Variants in SMYD3 observed in about 807,000 individuals in gnomAD.
SMYD3 encodes histone-lysine N-methyltransferase SMYD3.
SMYD3 carries 36 observed loss-of-function variants against 57.7 expected under a neutral mutation model. The observed-to-expected ratio is 0.62, with a 90% confidence interval of 0.48 to 0.82. SMYD3 has a LOEUF of 0.82. SMYD3 is among the 40% of genes least tolerant of loss of function. SMYD3 has a pLI of 0.00. For missense variants in SMYD3, 515 were observed against 538.8 expected (o/e 0.96, Z 0.44); for synonymous variants, 211 against 195.0 (o/e 1.08, Z -0.68).
At chr1:245,869,779 T>A (rs1444885076) in intron 8 of SMYD3, among the ~76,000 whole-genome samples, 1 of 152,194 alleles carries the variant, frequency 6.6e-6, no homozygotes, top group East Asian at 1.9e-4. Context: ...AAAATCGCCA[T>A]CCTGTGGCTT....
At chr1:245,881,407 G>A (rs2052770890) in intron 8 of SMYD3, among the ~76,000 whole-genome samples, 1 of 152,194 alleles carries the variant, frequency 6.6e-6, no homozygotes, top group South Asian at 2.1e-4. Context: ...GGAAGAGAGG[G>A]CAAGAATATC....
intron 5 of SMYD3, among the ~76,000 whole-genome samples, chr1:246,311,009 G>A (rs997642303): frequency 2.0e-5 from 3 of 152,062 alleles, no homozygotes; most frequent in Non-Finnish European, 4.4e-5. Context: ...TAATACTGAA[G>A]ACTGTTAGTA....
intron 5 of SMYD3, among the ~76,000 whole-genome samples, chr1:245,996,874 A>G (rs1175008237): frequency 1.3e-5 from 2 of 152,208 alleles, no homozygotes; most frequent in Admixed American, 6.5e-5. Context: ...CACTTCCTCC[A>G]TCTCCTCCTC....
chr1:245,928,132 A>G, intron 6 of SMYD3, 99 bp from the exon 7 acceptor site: 1 of 862,358 alleles, frequency 1.2e-6, no homozygotes, highest in Non-Finnish European at 1.8e-6. Flanking sequence ...TTTGGGGGGC[A>G]GCAGCAGGTA....
At chr1:245,985,207 C>T (rs890873626) in intron 5 of SMYD3, among the ~76,000 whole-genome samples, 1 of 152,126 alleles carries the variant, frequency 6.6e-6, no homozygotes, top group Non-Finnish European at 1.5e-5. Context: ...TGGGACCTGT[C>T]CTTGGCTCTC....
intron 10 of SMYD3, among the ~76,000 whole-genome samples, chr1:245,791,903 C>A (rs2148188157): frequency 6.6e-6 from 1 of 151,570 alleles, no homozygotes; most frequent in Middle Eastern, 3.4e-3. Context: ...ACTGTCATGC[C>A]AATGACAGAC....
rs1251470888 is a variant in SMYD3 at position 245,858,600 on chromosome 1, G to A, written c.972C>T (p.Asn324=). Residue 324 remains asparagine, a synonymous_variant, in exon 10 of 12, where the codon AAC becomes AAT. Transcript: ENST00000490107. Reference sequence around the variant, plus strand: ...AGTCGAGCACCTTCAGCTGGTAGATGTTGATATCGGGAAGCCGTTCAGAAT... The same window carrying A: ...AGTCGAGCACCTTCAGCTGGTAGATATTGATATCGGGAAGCCGTTCAGAAT... The part of the protein sequence containing the change: ...SSNSERLPDI[N]IYQLKVLDCA... The A allele has an allele frequency of 1.2e-6, 2 of 1,614,126 alleles. No homozygotes were observed. Among genetic ancestry groups the A allele is most frequent in the Non-Finnish European group, 1.7e-6 (2 of 1,180,052 alleles).
At chr1:245,890,459 T>C (rs555498417) in intron 8 of SMYD3, among the ~76,000 whole-genome samples, 74 of 152,188 alleles carry the variant, frequency 4.9e-4, no homozygotes, top group Middle Eastern at 3.4e-3. Flanking sequence ...GACATACAAA[T>C]GGTGAACAGG....
At chr1:246,130,344 C>T (rs2061569584) in intron 5 of SMYD3, among the ~76,000 whole-genome samples, 1 of 152,064 alleles carries the variant, frequency 6.6e-6, no homozygotes, top group African/African-American at 2.4e-5. Context: ...ATTTATAAGC[C>T]CTGAATCCAT....
At chr1:245,977,073 A>G (rs992322376) in intron 5 of SMYD3, among the ~76,000 whole-genome samples, 3 of 150,882 alleles carry the variant, frequency 2.0e-5, no homozygotes, top group South Asian at 2.1e-4. Flanking sequence ...CATCGTCTCT[A>G]GCCTATGTTA....
chr1:246,411,053 T>G (rs199954239), intron 1 of SMYD3, among the ~76,000 whole-genome samples: 2 of 152,010 alleles, frequency 1.3e-5, no homozygotes, highest in African/African-American at 4.8e-5. Flanking sequence ...TTGATTCTTC[T>G]CTCTTTTCTT....
intron 5 of SMYD3, among the ~76,000 whole-genome samples, chr1:246,104,809 A>G (rs1463979261): frequency 2.0e-5 from 3 of 152,088 alleles, no homozygotes; most frequent in Non-Finnish European, 4.4e-5. Flanking sequence ...AACCACCTCT[A>G]TGTCCTTCCC....
chr1:245,985,849 T>C (rs1280355189), intron 5 of SMYD3, among the ~76,000 whole-genome samples: 3 of 152,216 alleles, frequency 2.0e-5, no homozygotes, highest in African/African-American at 7.2e-5. Flanking sequence ...CCAAATGTTC[T>C]TGACTTTGGA....
chr1:246,118,684 C>T (rs2061377084), intron 5 of SMYD3, among the ~76,000 whole-genome samples: 3 of 152,188 alleles, frequency 2.0e-5, no homozygotes, highest in Admixed American at 1.3e-4. Flanking sequence ...TGAAAAATGC[C>T]AGCTAGTCTG....
chr1:246,031,036 G>T (rs979959237), intron 5 of SMYD3, among the ~76,000 whole-genome samples: 1 of 152,130 alleles, frequency 6.6e-6, no homozygotes, highest in African/African-American at 2.4e-5. Context: ...AATCACTGAT[G>T]TATTACAAGC....
At chr1:246,331,277 A>T (rs1331569229) in intron 3 of SMYD3, among the ~76,000 whole-genome samples, 1 of 152,250 alleles carries the variant, frequency 6.6e-6, no homozygotes, top group Admixed American at 6.5e-5. Context: ...CTTATGAAAA[A>T]GGGCCGAAGA....
intron 10 of SMYD3, among the ~76,000 whole-genome samples, chr1:245,826,896 C>CAA: frequency 6.6e-6 from 1 of 152,256 alleles, no homozygotes; most frequent in Non-Finnish European, 1.5e-5. Flanking sequence ...GCAAACTGCC[C>CAA]CCATGATCCA....
chr1:246,402,351 G>C (rs12069875), intron 1 of SMYD3, among the ~76,000 whole-genome samples: 6 of 74,152 alleles, frequency 8.1e-5, no homozygotes, highest in African/African-American at 1.3e-4. Context: ...AATGAGTCTC[G>C]ATCAGCTAAA....
chr1:245,970,640 A>G (rs1232355948), intron 5 of SMYD3, among the ~76,000 whole-genome samples: 3 of 152,236 alleles, frequency 2.0e-5, no homozygotes, highest in African/African-American at 7.2e-5. Flanking sequence ...AAAGTGAGTG[A>G]AGGATATGAA....
Sources: allele counts gnomAD v4.1 joint callset (sites outside exome capture counted in the v4.1 genomes callset), GRCh38; gene constraint gnomAD v4.1.1; transcripts MANE v1.5; gene names NCBI Gene and HGNC (gene_info 2026-07-23, HGNC 2026-07-21).